Variants in URB2 observed in about 807,000 individuals in gnomAD.
URB2 encodes the protein unhealthy ribosome biogenesis protein 2 homolog.
A neutral mutation model predicts 120.9 loss-of-function variants in URB2; 86 were observed. That is an observed-to-expected ratio of 0.71 (90% confidence interval 0.60 to 0.85). The LOEUF is 0.85. URB2 is among the 40% of genes least tolerant of loss of function. The probability of loss-of-function intolerance (pLI) is 0.00; values close to 1 mark genes in which losing one functional copy is unlikely to be tolerated. For missense variants in URB2, 1,765 were observed against 1,836.5 expected (o/e 0.96, Z 0.71); for synonymous variants, 755 against 758.4 (o/e 1.00, Z 0.07).
intron 5 of URB2, 26 bp from the exon 6 acceptor site, chr1:229,645,833 G>A (rs746300037): frequency 7.5e-6 from 12 of 1,599,484 alleles, no homozygotes; most frequent in African/African-American, 2.7e-5. Context: ...TATCTCTGCC[G>A]CTAAGTTTTT....
At chr1:229,633,236 T>G (rs12126499) in intron 3 of URB2, among the ~76,000 whole-genome samples, 19,821 of 152,200 alleles carry the variant, frequency 0.13, 1,968 homozygotes, top group East Asian at 0.42. Flanking sequence ...CGCATAGGGC[T>G]TAATGGTTCT....
At position 229,635,697 on chromosome 1, in the gene URB2, C is replaced by T. The variant is rs749141418; in HGVS notation, c.1084C>T (p.Gln362Ter). The part of the protein sequence containing the change: ...DWTTELLVVE[Q>*]LLNSVANNNI... ...GACCACAGAGCTTTTGGTTGTGGAACAGCTACTAAACTCAGTGGCCAACAA... is the reference window on the plus strand; with the variant it reads ...GACCACAGAGCTTTTGGTTGTGGAATAGCTACTAAACTCAGTGGCCAACAA... Residue 362 changes from glutamine (Q) to a stop codon, truncating the protein, a stop_gained, in exon 4 of 10, where the codon CAG (glutamine) becomes TAG (stop). Transcript: ENST00000258243. LOFTEE classifies it high-confidence loss of function. 5 of 1,614,208 alleles carry T rather than the reference C, an allele frequency of 3.1e-6. No individual in the cohort carries two copies. The highest frequency in any genetic ancestry group is 1.6e-4 in the Middle Eastern group (1 of 6,062).
intron 5 of URB2, among the ~76,000 whole-genome samples, chr1:229,644,126 A>G (rs1382448858): frequency 1.3e-5 from 2 of 152,224 alleles, no homozygotes; most frequent in Non-Finnish European, 2.9e-5. Flanking sequence ...AGAAGTCGCT[A>G]ATACAGCCTG....
At chr1:229,630,982 CA>C (rs57940336) in intron 2 of URB2, among the ~76,000 whole-genome samples, 1,703 of 65,102 alleles carry the variant, frequency 0.026, 13 homozygotes, top group African/African-American at 0.099. Flanking sequence ...AACTCCGTCT[CA>C]AAAAAAAAAA....
rs1051816561 is a variant in URB2, at chr1:229,635,519, C to T, written c.906C>T (p.Asn302=). 21 of 1,613,962 alleles carry T rather than the reference C, an allele frequency of 1.3e-5. No homozygotes were observed. Among genetic ancestry groups the T allele is most frequent in the Non-Finnish European group, 1.7e-5 (20 of 1,180,010 alleles). The change falls in exon 4 of 10, where the codon AAC becomes AAT. Residue 302 remains asparagine, a synonymous_variant. Transcript: ENST00000258243. ...AASLHTSVVA[N]SVALLYKLFL... ...CCCTTCATACCTCTGTTGTGGCCAA[C>T]TCAGTGGCCTTGCTGTATAAGCTCT...
At chr1:229,630,121 G>A (rs967851789) in intron 2 of URB2, among the ~76,000 whole-genome samples, 2 of 152,134 alleles carry the variant, frequency 1.3e-5, no homozygotes, top group African/African-American at 4.8e-5. Context: ...CCAAACTCCT[G>A]ATAATGTTGA....
rs1469841885 is a variant in URB2, at chr1:229,654,280, G to A, written c.4269G>A (p.Lys1423=). The part of the protein sequence containing the change: ...GSIDDLPTVL[K]CARLVERMYS... ...TAGATGACCTGCCTACGGTCCTAAA[G>A]TGTGCACGCCTGGTTGAAAGAATGT... The change falls in exon 9 of 10, where the codon AAG becomes AAA. Residue 1423 remains lysine, a synonymous_variant. Coordinates refer to ENST00000258243, the MANE Select transcript of URB2 (RefSeq NM_014777.4). 4 of 1,614,046 alleles carry A rather than the reference G, an allele frequency of 2.5e-6. No individual in the cohort carries two copies. In the Admixed American group the frequency reaches 6.7e-5, roughly 27 times the overall value.
At position 229,632,846 on chromosome 1, in the gene URB2, C is replaced by T. The variant is rs373515887; in HGVS notation, c.303+401C>T. Among the ~76,000 whole-genome samples the T allele has an allele frequency of 4.1e-5, 6 of 144,942 alleles. No homozygotes were observed. In the East Asian group the frequency reaches 8.1e-4, roughly 19 times the overall value. On this transcript the variant is annotated intron_variant, in intron 3 of 9. Transcript: ENST00000258243. ...TTTTTTTTTTTGCCACTACGGCCTT[C>T]GAGCCACAAGTGCCACTAGTGGCTT...
intron 7 of URB2, among the ~76,000 whole-genome samples, chr1:229,648,114 G>A (rs1028673161): frequency 2.6e-5 from 4 of 152,128 alleles, no homozygotes; most frequent in African/African-American, 9.7e-5. Context: ...GTGACTGGTC[G>A]CAGTCAAAAC....
chr1:229,655,909 T>A (rs1460176391), intron 9 of URB2, among the ~76,000 whole-genome samples: 1 of 152,232 alleles, frequency 6.6e-6, no homozygotes, highest in Non-Finnish European at 1.5e-5. Context: ...TCATCCCTGC[T>A]CCTGTTTTAG....
chr1:229,656,229 G>A (rs1277885296), intron 9 of URB2, among the ~76,000 whole-genome samples: 2 of 152,128 alleles, frequency 1.3e-5, no homozygotes, highest in East Asian at 3.8e-4. Context: ...AAAAGCTGGC[G>A]TTATTTTCTG....
At chr1:229,627,102 G>C (rs1468280929) in intron 1 of URB2, among the ~76,000 whole-genome samples, 1 of 152,096 alleles carries the variant, frequency 6.6e-6, no homozygotes, top group Non-Finnish European at 1.5e-5. Context: ...TTTTTGAAGT[G>C]TATGTGCGTT....
chr1:229,657,624 T>G (rs1476904219), intron 9 of URB2, among the ~76,000 whole-genome samples: 1 of 152,204 alleles, frequency 6.6e-6, no homozygotes. Flanking sequence ...GTTTTTCGTT[T>G]TGTTTTGTTT....
intron 5 of URB2, among the ~76,000 whole-genome samples, chr1:229,644,355 C>T (rs1558168732): frequency 6.6e-6 from 1 of 152,354 alleles, no homozygotes; most frequent in East Asian, 1.9e-4. Flanking sequence ...TGGTCATATA[C>T]AGCACACTGG....
At chr1:229,650,622 G>A (rs1437378001) in intron 7 of URB2, among the ~76,000 whole-genome samples, 1 of 152,014 alleles carries the variant, frequency 6.6e-6, no homozygotes, top group African/African-American at 2.4e-5. Flanking sequence ...GTAGAAACAG[G>A]GTTTCACCCT....
In URB2 at chr1:229,634,753, C is replaced by T. The variant is rs1665749198; in HGVS notation, c.304-164C>T. Among the ~76,000 whole-genome samples, 2 of 152,008 alleles carry T rather than the reference C, an allele frequency of 1.3e-5. 1 individual carries two copies. The highest frequency in any genetic ancestry group is 1.3e-4 in the Admixed American group (2 of 15,260). On this transcript the variant is annotated intron_variant, in intron 3 of 9. Transcript: ENST00000258243. ...ACAGATGCTTTGCCTTATTTTGATG[C>T]ACTAAGCTTATGTCAGGTTCATTGA...
chr1:229,630,839 A>G (rs1051006022), intron 2 of URB2, among the ~76,000 whole-genome samples: 1 of 152,018 alleles, frequency 6.6e-6, no homozygotes, highest in African/African-American at 2.4e-5. Context: ...AAAATTAGCC[A>G]GGCATGGTGG....
chr1:229,640,641 TG>T (rs1219751289), intron 4 of URB2, among the ~76,000 whole-genome samples: 3 of 152,242 alleles, frequency 2.0e-5, no homozygotes, highest in Admixed American at 2.0e-4. Context: ...GAGGGTTAAA[TG>T]GGTTCTCGCA....
intron 2 of URB2, among the ~76,000 whole-genome samples, chr1:229,628,101 TTATATATGTATATATATGTA>T (rs964481238): frequency 7.0e-6 from 1 of 142,836 alleles, no homozygotes; most frequent in African/African-American, 2.6e-5. Flanking sequence ...ATTATATATA[TTATATATGTATATATATGTA>T]TATATACATA....
Sources: allele counts gnomAD v4.1 joint callset (sites outside exome capture counted in the v4.1 genomes callset), GRCh38; gene constraint gnomAD v4.1.1; transcripts MANE v1.5; gene names NCBI Gene and HGNC (gene_info 2026-07-23, HGNC 2026-07-21).